Variants in PRKCH observed in about 807,000 individuals in gnomAD.
PRKCH encodes protein kinase C eta, also known as protein kinase C eta type.
A neutral mutation model predicts 82.5 loss-of-function variants in PRKCH; 28 were observed. The ratio of observed to expected loss-of-function variants is 0.34; its 90% CI spans 0.25 to 0.47. The LOEUF is 0.47. PRKCH is among the 20% of genes least tolerant of loss of function. The probability of loss-of-function intolerance (pLI) is 1.00; values close to 1 mark genes in which losing one functional copy is unlikely to be tolerated. For synonymous variants in PRKCH, 322 were observed against 327.4 expected, an observed-to-expected ratio of 0.98 and a Z score of 0.18; for missense variants, 705 against 881.8, an observed-to-expected ratio of 0.80 and a Z score of 2.54.
intron 1 of PRKCH, among the ~76,000 whole-genome samples, chr14:61,190,060 C>T (rs2044397593): frequency 6.6e-6 from 1 of 152,276 alleles, no homozygotes; most frequent in East Asian, 1.9e-4. Context: ...CCATTCTATG[C>T]CTCCACTTCT....
chr14:61,482,775 A>G (rs1050488466), intron 9 of PRKCH, among the ~76,000 whole-genome samples: 3 of 152,214 alleles, frequency 2.0e-5, no homozygotes, highest in African/African-American at 7.2e-5. Flanking sequence ...AGAGTCTGGC[A>G]TTATCTGAGA....
intron 10 of PRKCH, among the ~76,000 whole-genome samples, chr14:61,493,131 G>A (rs1039550628): frequency 3.3e-5 from 5 of 152,154 alleles, no homozygotes; most frequent in African/African-American, 1.2e-4. Flanking sequence ...GGGTCACTTA[G>A]GACTTTGCTC....
At chr14:61,222,820 G>A (rs1401891826) in intron 1 of PRKCH, among the ~76,000 whole-genome samples, 1 of 152,214 alleles carries the variant, frequency 6.6e-6, no homozygotes, top group Non-Finnish European at 1.5e-5. Flanking sequence ...GGAGACCAAA[G>A]AGCTCTCATG....
At chr14:61,307,123 G>A (rs2045490374) in intron 1 of PRKCH, 2 of 152,184 alleles carry the variant, frequency 1.3e-5, no homozygotes, top group African/African-American at 2.4e-5. Flanking sequence ...ACAGGGCCGG[G>A]TGCAGTGGCT....
At chr14:61,269,288 G>A (rs1033310729) in intron 1 of PRKCH, among the ~76,000 whole-genome samples, 13 of 152,062 alleles carry the variant, frequency 8.5e-5, no homozygotes, top group Non-Finnish European at 1.5e-4. Context: ...ATAATGTATA[G>A]AAAGTCACAA....
chr14:61,502,117 T>C, intron 10 of PRKCH, among the ~76,000 whole-genome samples: 1 of 133,222 alleles, frequency 7.5e-6, no homozygotes, highest in East Asian at 2.3e-4. Context: ...CAGGCAGGAG[T>C]GCAATGGCAT....
intron 10 of PRKCH, among the ~76,000 whole-genome samples, chr14:61,511,812 C>T (rs1015184410): frequency 1.3e-5 from 2 of 152,142 alleles, no homozygotes; most frequent in East Asian, 1.9e-4. Context: ...GAATCTGTCA[C>T]GCAACCCAGA....
intron 9 of PRKCH, among the ~76,000 whole-genome samples, chr14:61,481,990 CTTTTTTTT>C (rs35134897): frequency 3.0e-5 from 3 of 101,078 alleles, no homozygotes; most frequent in Admixed American, 1.2e-4. Context: ...TTTCCTTTTC[CTTTTTTTT>C]TTTTTTTTTT....
At chr14:61,286,319 T>A (rs147012675) in intron 1 of PRKCH, among the ~76,000 whole-genome samples, 1 of 66,896 alleles carries the variant, frequency 1.5e-5, no homozygotes, top group Non-Finnish European at 4.1e-5. Context: ...AAGAACTGCA[T>A]CCAGCAGACT....
chr14:61,409,239 G>T lies in PRKCH; in HGVS notation c.427+17951G>T, dbSNP rs577400010. On this transcript the variant is annotated intron_variant, in intron 2 of 13. Transcript: ENST00000332981. ...CCATGGGTGCTCCATGGGAATGCTG[G>T]TAGATAGCAGAACATGGATCAGGAG... 1.7e-4 allele frequency among the ~76,000 whole-genome samples: 26 copies of T among 152,284 alleles called. No homozygotes were observed. In the East Asian group the frequency reaches 1.9e-3, roughly 11 times the overall value.
At chr14:61,383,511 C>T (rs986776051) in intron 1 of PRKCH, among the ~76,000 whole-genome samples, 4 of 151,878 alleles carry the variant, frequency 2.6e-5, no homozygotes, top group African/African-American at 7.3e-5. Flanking sequence ...ATTTTGAGAC[C>T]GGAGGGATCA....
intron 1 of PRKCH, among the ~76,000 whole-genome samples, chr14:61,379,645 G>A (rs913329212): frequency 6.6e-6 from 1 of 152,090 alleles, no homozygotes; most frequent in Admixed American, 6.5e-5. Context: ...TTCCTTTCTT[G>A]TGGGGGTTCC....
chr14:61,288,366 A>G (rs920047120), intron 1 of PRKCH, among the ~76,000 whole-genome samples: 1 of 152,194 alleles, frequency 6.6e-6, no homozygotes, highest in Non-Finnish European at 1.5e-5. Flanking sequence ...AAGTGCTGGG[A>G]TTACAGGCAT....
chr14:61,261,992 C>T (rs2045049291), intron 1 of PRKCH, among the ~76,000 whole-genome samples: 1 of 151,892 alleles, frequency 6.6e-6, no homozygotes. Context: ...GAGGCCGAGG[C>T]GGGCAAATCA....
intron 2 of PRKCH, among the ~76,000 whole-genome samples, chr14:61,433,111 A>G (rs1269255985): frequency 6.6e-6 from 1 of 150,690 alleles, no homozygotes; most frequent in African/African-American, 2.4e-5. Flanking sequence ...TGGTTTTGTG[A>G]TAAAGGTGGT....
chr14:61,415,722 A>G (rs1882513978), intron 2 of PRKCH, among the ~76,000 whole-genome samples: 1 of 152,226 alleles, frequency 6.6e-6, no homozygotes, highest in Non-Finnish European at 1.5e-5. Context: ...TTGTAAGTGT[A>G]TAGTCCAGTG....
intron 4 of PRKCH, among the ~76,000 whole-genome samples, chr14:61,446,624 A>G (rs1232442152): frequency 6.6e-6 from 1 of 152,266 alleles, no homozygotes; most frequent in Non-Finnish European, 1.5e-5. Flanking sequence ...GAACAATTCC[A>G]TTGAACTTTC....
chr14:61,460,893 T>C (rs184699494), intron 9 of PRKCH, among the ~76,000 whole-genome samples: 14 of 152,308 alleles, frequency 9.2e-5, no homozygotes, highest in Admixed American at 8.5e-4. Context: ...GGGTCACTAG[T>C]ATTCAAATCT....
At chr14:61,245,691 C>T (rs570441502) in intron 1 of PRKCH, among the ~76,000 whole-genome samples, 3 of 105,340 alleles carry the variant, frequency 2.8e-5, no homozygotes, top group African/African-American at 9.4e-5. Flanking sequence ...CAGAGTAGGC[C>T]GCAGAAGGAC....
Sources: gnomAD v4.1 joint callset for allele counts (sites outside exome capture counted in the v4.1 genomes callset) on GRCh38, gnomAD v4.1.1 for gene constraint, MANE v1.5 for transcripts, NCBI Gene and HGNC (gene_info 2026-07-23, HGNC 2026-07-21) for gene names.